The following CCSER1 variants were observed in gnomAD, a reference collection of about 807,000 sequenced individuals.
CCSER1 encodes serine-rich coiled-coil domain-containing protein 1.
In CCSER1, 41 loss-of-function variants were observed where a neutral mutation model predicts 82.0. The ratio of observed to expected loss-of-function variants is 0.50; its 90% CI spans 0.39 to 0.65. The LOEUF is 0.65. Among genes scored for constraint, CCSER1 ranks in the 30% least tolerant of loss-of-function variants. The probability of loss-of-function intolerance (pLI) is 0.00; values close to 1 mark genes in which losing one functional copy is unlikely to be tolerated. For missense variants in CCSER1, 1,119 were observed against 1,064.2 expected (o/e 1.05, Z -0.72); for synonymous variants, 414 against 383.9 (o/e 1.08, Z -0.92).
intron 10 of CCSER1, among the ~76,000 whole-genome samples, chr4:91,126,734 A>G (rs994588948): frequency 6.6e-6 from 1 of 152,054 alleles, no homozygotes; most frequent in South Asian, 2.1e-4. Flanking sequence ...AGCTTAGTCA[A>G]TTGAGGTAAG....
In CCSER1 at chr4:91,231,416, A is replaced by T. The variant is rs948686129; in HGVS notation, c.2217+145422A>T. Among the ~76,000 whole-genome samples, 42 of 151,892 alleles carry T rather than the reference A, an allele frequency of 2.8e-4. 1 individual carries two copies. The highest frequency in any genetic ancestry group is 9.9e-4 in the African/African-American group (41 of 41,438). ...AAAAATGAAACACCTACACACACAT[A>T]CACATATGTTTTTTCATATACATAT... On this transcript the variant is annotated intron_variant, in intron 10 of 10. Coordinates refer to ENST00000509176, the MANE Select transcript of CCSER1 (RefSeq NM_001145065.2).
chr4:90,812,451 G>C (rs941078253), intron 7 of CCSER1, among the ~76,000 whole-genome samples: 1 of 152,178 alleles, frequency 6.6e-6, no homozygotes, highest in Non-Finnish European at 1.5e-5. Flanking sequence ...GGTCGTGGTT[G>C]GGTGTACATG....
chr4:90,223,381 T>C (rs1195469466), intron 1 of CCSER1, among the ~76,000 whole-genome samples: 1 of 152,210 alleles, frequency 6.6e-6, no homozygotes, highest in African/African-American at 2.4e-5. Context: ...TTATGGAAAT[T>C]ACTAACCCTT....
rs1449884457 is a variant in CCSER1, at chr4:90,308,792, C to T, written c.508C>T (p.Arg170Cys). 7 of 1,613,658 alleles carry T rather than the reference C, an allele frequency of 4.3e-6. No homozygotes were observed. Among genetic ancestry groups the T allele is most frequent in the Admixed American group, 3.3e-5 (2 of 59,910 alleles). ...TTCTGGTTTCACAGAAGACCAAACT[C>T]GTCGTTCTGTTAAGCAGTCAACAAG... ...DDSGFTEDQT[R>C]RSVKQSTRKL... is the part of the protein sequence containing the mutation. The change falls in exon 2 of 11, where the codon CGT becomes TGT. Residue 170 changes from arginine (R) to cysteine (C), a missense_variant. Physicochemically the swap from Arg to Cys is radical, Grantham distance 180. Transcript: ENST00000509176.
At chr4:91,150,996 G>A (rs1054871618) in intron 10 of CCSER1, among the ~76,000 whole-genome samples, 1 of 152,156 alleles carries the variant, frequency 6.6e-6, no homozygotes, top group African/African-American at 2.4e-5. Flanking sequence ...AAATGAGTTA[G>A]GGAGGATTCC....
chr4:90,703,023 T>A (rs978481925), intron 6 of CCSER1, among the ~76,000 whole-genome samples: 9 of 152,302 alleles, frequency 5.9e-5, no homozygotes, highest in African/African-American at 1.7e-4. Context: ...AGCTTTTGAA[T>A]GTGTTTGCTC....
intron 10 of CCSER1, among the ~76,000 whole-genome samples, chr4:91,431,476 G>A (rs752300591): frequency 2.0e-5 from 3 of 150,930 alleles, no homozygotes; most frequent in Non-Finnish European, 3.0e-5. Context: ...CTTTTTTTTC[G>A]GGGGGCGGTG....
intron 10 of CCSER1, among the ~76,000 whole-genome samples, chr4:91,521,642 A>C (rs1403438327): frequency 1.3e-5 from 2 of 152,184 alleles, no homozygotes; most frequent in South Asian, 2.1e-4. Context: ...GATGATGAGC[A>C]TTCTTTCATG....
intron 3 of CCSER1, among the ~76,000 whole-genome samples, chr4:90,363,601 G>A (rs1252334157): frequency 1.7e-5 from 2 of 117,288 alleles, no homozygotes; most frequent in Admixed American, 8.1e-5. Flanking sequence ...ACTTTCAAGG[G>A]CAGAAAGAAA....
At chr4:90,216,363 T>G (rs1198430350) in intron 1 of CCSER1, among the ~76,000 whole-genome samples, 2 of 152,202 alleles carry the variant, frequency 1.3e-5, no homozygotes, top group Non-Finnish European at 2.9e-5. Flanking sequence ...TCAAAGGATT[T>G]CTCCCTACAG....
chr4:90,379,466 A>G (rs1055438628), intron 3 of CCSER1, among the ~76,000 whole-genome samples: 4 of 152,206 alleles, frequency 2.6e-5, no homozygotes, highest in African/African-American at 9.6e-5. Flanking sequence ...AATGTGAGGC[A>G]CACTTTCAGG....
At chr4:90,831,803 A>C (rs893881401) in intron 8 of CCSER1, among the ~76,000 whole-genome samples, 3 of 152,136 alleles carry the variant, frequency 2.0e-5, no homozygotes, top group Non-Finnish European at 2.9e-5. Context: ...AAACTTTTTA[A>C]ATGAAAGTTA....
At chr4:90,839,287 C>T (rs1762259165) in intron 8 of CCSER1, among the ~76,000 whole-genome samples, 1 of 152,182 alleles carries the variant, frequency 6.6e-6, no homozygotes, top group South Asian at 2.1e-4. Flanking sequence ...CTATCACACA[C>T]TTAGATAAGT....
intron 9 of CCSER1, among the ~76,000 whole-genome samples, chr4:90,983,888 C>T (rs1157463822): frequency 6.6e-6 from 1 of 151,746 alleles, no homozygotes; most frequent in Non-Finnish European, 1.5e-5. Flanking sequence ...CATAATCACA[C>T]ACTGTTTATA....
chr4:90,852,683 T>C (rs894860144), intron 8 of CCSER1, among the ~76,000 whole-genome samples: 2 of 152,188 alleles, frequency 1.3e-5, no homozygotes, highest in African/African-American at 4.8e-5. Flanking sequence ...GCTCCTTTTT[T>C]GTTGTTGTTG....
chr4:91,176,964 A>G (rs1733449915), intron 10 of CCSER1, among the ~76,000 whole-genome samples: 2 of 152,106 alleles, frequency 1.3e-5, no homozygotes, highest in Admixed American at 6.6e-5. Context: ...GTTTGTCATA[A>G]ATAGCTCTTA....
At chr4:90,843,723 A>C (rs557022829) in intron 8 of CCSER1, among the ~76,000 whole-genome samples, 1 of 152,270 alleles carries the variant, frequency 6.6e-6, no homozygotes, top group South Asian at 2.1e-4. Context: ...TTGGTACAAA[A>C]CATTTTTTAA....
intron 10 of CCSER1, among the ~76,000 whole-genome samples, chr4:91,405,766 A>C (rs1266844955): frequency 6.6e-6 from 1 of 152,146 alleles, no homozygotes; most frequent in Non-Finnish European, 1.5e-5. Flanking sequence ...TTTTCCAGGT[A>C]CCATCTGTCA....
Position 91,604,443 on chromosome 4 carries a change from A to G in CCSER1, c.*5386A>G, listed in dbSNP as rs1281233342. 6.6e-6 allele frequency: 1 copy of G among 152,120 alleles called. No homozygotes were observed. The highest frequency in any genetic ancestry group is 1.9e-4 in the East Asian group (1 of 5,200). The allele number at this position is 152,120 out of a possible 1,614,324, so 9.4% of individuals were successfully genotyped here. On this transcript the variant is annotated 3_prime_UTR_variant, in exon 11 of 11. Coordinates refer to ENST00000509176, the MANE Select transcript of CCSER1 (RefSeq NM_001145065.2). The stretch of plus-strand genomic sequence containing the variant: ...AGAATTTTCAGAGGGCATCTCTTCT[A>G]TTTCAAGGTTACCTCCCAGAAAAAC...
Sources: gnomAD v4.1 joint callset for allele counts (sites outside exome capture counted in the v4.1 genomes callset) on GRCh38, gnomAD v4.1.1 for gene constraint, MANE v1.5 for transcripts, NCBI Gene and HGNC (gene_info 2026-07-23, HGNC 2026-07-21) for gene names.